Variants in LRRC37A2 observed in about 807,000 individuals in gnomAD.
LRRC37A2 encodes the protein leucine rich repeat containing 37 member A2, also known as leucine-rich repeat-containing protein 37A2.
In LRRC37A2, 9 loss-of-function variants were observed where a neutral mutation model predicts 68.8. The ratio of observed to expected loss-of-function variants is 0.13; its 90% CI spans 0.08 to 0.23. The LOEUF is 0.23. Among genes scored for constraint, LRRC37A2 ranks in the 10% least tolerant of loss-of-function variants. LRRC37A2 has a pLI of 1.00. For synonymous variants in LRRC37A2, 63 were observed against 367.6 expected (o/e 0.17, Z 9.48); for missense variants, 168 against 950.4 (o/e 0.18, Z 10.82).
chr17:46,404,903 TAAA>T, the LRRC37A2 span, among the ~76,000 whole-genome samples: 1 of 101,964 alleles, frequency 9.8e-6, no homozygotes, highest in Non-Finnish European at 2.2e-5. Flanking sequence ...AATAAATAAA[TAAA>T]TAAATAAATG....
the LRRC37A2 span, chr17:46,966,872 G>A: frequency 2.5e-6 from 1 of 405,920 alleles, no homozygotes; most frequent in African/African-American, 2.1e-5. Flanking sequence ...TCTCTAAATG[G>A]CCATTATGCT....
chr17:46,458,713 G>A, the LRRC37A2 span, among the ~76,000 whole-genome samples: 1 of 104,400 alleles, frequency 9.6e-6, no homozygotes, highest in Non-Finnish European at 2.2e-5. Context: ...AGCTAATTTT[G>A]TATTTTTACT....
At chr17:46,495,661 A>G in the LRRC37A2 span, among the ~76,000 whole-genome samples, 6 of 150,816 alleles carry the variant, frequency 4.0e-5, no homozygotes, top group Non-Finnish European at 8.8e-5. Flanking sequence ...ATGGGACTAC[A>G]GGCATGAGCC....
At chr17:46,572,898 A>G in the LRRC37A2 span, among the ~76,000 whole-genome samples, 1 of 51,750 alleles carries the variant, frequency 1.9e-5, no homozygotes, top group African/African-American at 6.1e-5. Flanking sequence ...AAAGAAAGAA[A>G]AGAGGAAGAG....
At chr17:46,872,727 G>A in the LRRC37A2 span, 11 of 1,612,798 alleles carry the variant, frequency 6.8e-6, no homozygotes, top group East Asian at 6.7e-5. Context: ...TCCGGCATGA[G>A]CGCTGGAACT....
At chr17:46,769,823 C>T in the LRRC37A2 span, 2 of 1,612,834 alleles carry the variant, frequency 1.2e-6, no homozygotes, top group Non-Finnish European at 1.7e-6. Flanking sequence ...CATGGCCGAG[C>T]GCGCGTCCGG....
chr17:46,764,984 GGCTCAC>G, the LRRC37A2 span, among the ~76,000 whole-genome samples: 1 of 152,242 alleles, frequency 6.6e-6, no homozygotes, highest in African/African-American at 2.4e-5. Context: ...TGCTGTGCTG[GGCTCAC>G]GCCAGGCATG....
At chr17:46,861,102 T>C in the LRRC37A2 span, among the ~76,000 whole-genome samples, 3,727 of 152,348 alleles carry the variant, frequency 0.024, 156 homozygotes, top group African/African-American at 0.086. Context: ...CTGCCATATG[T>C]TGGCAGTGGA....
the LRRC37A2 span, chr17:46,755,190 A>G: frequency 1.4e-6 from 1 of 700,058 alleles, no homozygotes. Context: ...GGAGCAGGTA[A>G]CACATTCAGT....
At chr17:46,918,840 T>C in the LRRC37A2 span, among the ~76,000 whole-genome samples, 1 of 152,212 alleles carries the variant, frequency 6.6e-6, no homozygotes, top group Non-Finnish European at 1.5e-5. Flanking sequence ...AAACTGCTTG[T>C]AGTTTCCCCT....
At chr17:47,011,752 A>G in the LRRC37A2 span, among the ~76,000 whole-genome samples, 5 of 151,976 alleles carry the variant, frequency 3.3e-5, no homozygotes, top group African/African-American at 1.2e-4. Flanking sequence ...AATACAGACC[A>G]GTAATTTTAA....
chr17:46,971,022 T>A, the LRRC37A2 span, among the ~76,000 whole-genome samples: 1 of 152,228 alleles, frequency 6.6e-6, no homozygotes, highest in Non-Finnish European at 1.5e-5. Flanking sequence ...TTTTTCTTTT[T>A]TTTGTTGCTA....
At chr17:46,745,693 G>A in the LRRC37A2 span, among the ~76,000 whole-genome samples, 3 of 152,318 alleles carry the variant, frequency 2.0e-5, no homozygotes, top group East Asian at 5.8e-4. Context: ...AGCTAAAAAA[G>A]AGAAGTAACA....
the LRRC37A2 span, among the ~76,000 whole-genome samples, chr17:46,919,276 AG>A: frequency 6.6e-6 from 1 of 152,240 alleles, no homozygotes; most frequent in African/African-American, 2.4e-5. Context: ...GAGAGGCTGG[AG>A]GGTAAGTCAT....
At chr17:46,388,122 A>C in the LRRC37A2 span, among the ~76,000 whole-genome samples, 11 of 2,646 alleles carry the variant, frequency 4.2e-3, no homozygotes, top group South Asian at 0.068. Flanking sequence ...GCTAAAAAAA[A>C]AAAAAAAAAG....
chr17:46,860,672 C>A, the LRRC37A2 span, among the ~76,000 whole-genome samples: 3,720 of 152,290 alleles, frequency 0.024, 152 homozygotes, highest in African/African-American at 0.085. Context: ...CAGCGTCCCA[C>A]GTTTAGAAGA....
chr17:46,761,073 G>T, the LRRC37A2 span, among the ~76,000 whole-genome samples: 1 of 152,114 alleles, frequency 6.6e-6, no homozygotes, highest in African/African-American at 2.4e-5. Context: ...ATAAAAAGTC[G>T]AAATGAAATA....
the LRRC37A2 span, among the ~76,000 whole-genome samples, chr17:46,841,575 C>A: frequency 6.6e-6 from 1 of 152,202 alleles, no homozygotes; most frequent in Non-Finnish European, 1.5e-5. Flanking sequence ...TGGGGACGCC[C>A]TGACGCAACA....
the LRRC37A2 span, among the ~76,000 whole-genome samples, chr17:46,583,822 G>A: frequency 1.4e-5 from 1 of 72,932 alleles, no homozygotes; most frequent in Admixed American, 1.4e-4. Flanking sequence ...TCAGCTTTCA[G>A]CTTAAATTTT....
Sources: allele counts gnomAD v4.1 joint callset (sites outside exome capture counted in the v4.1 genomes callset), GRCh38; gene constraint gnomAD v4.1.1; transcripts MANE v1.5; gene names NCBI Gene and HGNC (gene_info 2026-07-23, HGNC 2026-07-21).